LGSN: variants seen among roughly 807,000 people sequenced by gnomAD.
LGSN encodes lengsin.
In LGSN, 21 loss-of-function variants were observed where a neutral mutation model predicts 19.5. The observed-to-expected ratio is 1.07, with a 90% CI of 0.76 to 1.55. LGSN has a LOEUF of 1.55. LGSN is among the 40% of genes most tolerant of loss of function. LGSN has a pLI of 0.00. For missense variants in LGSN, 673 were observed against 608.5 expected (o/e 1.11, Z -1.12); for synonymous variants, 257 against 215.6 (o/e 1.19, Z -1.68).
the LGSN span, among the ~76,000 whole-genome samples, chr6:63,497,479 C>G: frequency 3.9e-5 from 6 of 151,990 alleles, no homozygotes; most frequent in African/African-American, 1.5e-4. Flanking sequence ...CTTGAACCCG[C>G]GAGGTGGAGG....
intron 2 of LGSN, among the ~76,000 whole-genome samples, chr6:63,291,082 G>A (rs144603738): frequency 0.02 from 3,048 of 152,204 alleles, 53 homozygotes; most frequent in South Asian, 0.043. Flanking sequence ...TGACCTCCTC[G>A]CGGAGCATGC....
chr6:63,294,945 T>C lies in LGSN; in HGVS notation c.131A>G (p.Glu44Gly), dbSNP rs1053985555. The C allele has an allele frequency of 3.1e-6, 5 of 1,613,774 alleles. No individual in the cohort carries two copies. Among genetic ancestry groups the C allele is most frequent in the South Asian group, 1.1e-5 (1 of 91,084 alleles). Residue 44 changes from glutamate to glycine, a missense_variant, in exon 2 of 4, where the codon GAA becomes GGA. Transcript: ENST00000370657. ...KVTKPYVCSTEVGETDMSNSN... is the reference protein window; with the variant it reads ...KVTKPYVCSTGVGETDMSNSN... ...ATTGGACATATCCGTTTCTCCCACTTCAGTTGAACAAACATATGGTTTAGT... is the reference window on the plus strand; with the variant it reads ...ATTGGACATATCCGTTTCTCCCACTCCAGTTGAACAAACATATGGTTTAGT...
the LGSN span, among the ~76,000 whole-genome samples, chr6:63,449,040 A>G: frequency 6.6e-6 from 1 of 152,226 alleles, no homozygotes; most frequent in African/African-American, 2.4e-5. Flanking sequence ...TAACTGGGTT[A>G]CATGCAAATA....
At chr6:63,448,396 C>T in the LGSN span, among the ~76,000 whole-genome samples, 5 of 152,072 alleles carry the variant, frequency 3.3e-5, no homozygotes, top group East Asian at 1.9e-4. Flanking sequence ...ATTTACTAAA[C>T]GTCATATGAA....
the LGSN span, among the ~76,000 whole-genome samples, chr6:63,333,416 A>G: frequency 1.3e-5 from 2 of 151,508 alleles, no homozygotes; most frequent in Non-Finnish European, 2.9e-5. Flanking sequence ...CACCAAAACC[A>G]GGCAAAAAAA....
the LGSN span, among the ~76,000 whole-genome samples, chr6:63,461,848 A>G: frequency 6.6e-6 from 1 of 152,250 alleles, no homozygotes; most frequent in African/African-American, 2.4e-5. Flanking sequence ...TCTAAAAGAC[A>G]TGCCCAGACC....
chr6:63,437,905 T>C, the LGSN span, among the ~76,000 whole-genome samples: 90,636 of 151,930 alleles, frequency 0.6, 27,377 homozygotes, highest in African/African-American at 0.65. Flanking sequence ...ATTCCAGCCT[T>C]GGTGACAGAG....
the LGSN span, among the ~76,000 whole-genome samples, chr6:63,432,007 G>C: frequency 2.7e-5 from 4 of 150,912 alleles, no homozygotes; most frequent in Admixed American, 6.6e-5. Context: ...ACCCAGGAGG[G>C]GGAGGTTGCA....
intron 1 of LGSN, among the ~76,000 whole-genome samples, chr6:63,319,689 A>G (rs1294799912): frequency 2.0e-5 from 3 of 152,192 alleles, no homozygotes; most frequent in African/African-American, 7.2e-5. Context: ...TTCAAACCAA[A>G]TGAGCTTTCC....
the LGSN span, among the ~76,000 whole-genome samples, chr6:63,368,784 T>C: frequency 4.4e-4 from 67 of 152,346 alleles, no homozygotes; most frequent in South Asian, 6.0e-3. Flanking sequence ...TTATGTCCTC[T>C]GGAGTAAGAA....
At chr6:63,382,674 A>G in the LGSN span, among the ~76,000 whole-genome samples, 2 of 152,204 alleles carry the variant, frequency 1.3e-5, no homozygotes, top group South Asian at 2.1e-4. Flanking sequence ...AGTTGCCTGT[A>G]GACATATATA....
chr6:63,306,661 T>G (rs1418640481), intron 1 of LGSN, among the ~76,000 whole-genome samples: 1 of 152,170 alleles, frequency 6.6e-6, no homozygotes, highest in Non-Finnish European at 1.5e-5. Flanking sequence ...GAAAGAGATA[T>G]GCTCAGGTTA....
At chr6:63,366,792 T>A in the LGSN span, among the ~76,000 whole-genome samples, 1 of 152,074 alleles carries the variant, frequency 6.6e-6, no homozygotes, top group East Asian at 1.9e-4. Flanking sequence ...ACCACACATC[T>A]AAAACCATCT....
the LGSN span, among the ~76,000 whole-genome samples, chr6:63,540,334 T>G: frequency 6.6e-6 from 1 of 152,126 alleles, no homozygotes; most frequent in South Asian, 2.1e-4. Context: ...TAGATAGATC[T>G]GAAAATCCAG....
the LGSN span, among the ~76,000 whole-genome samples, chr6:63,418,943 C>T: frequency 6.6e-6 from 1 of 151,692 alleles, no homozygotes; most frequent in African/African-American, 2.4e-5. Context: ...ACTTTGACTC[C>T]CAGCCTAGCA....
chr6:63,441,061 T>G, the LGSN span: 1 of 168,122 alleles, frequency 5.9e-6, no homozygotes, highest in Admixed American at 6.4e-5. Flanking sequence ...CAAAAAAAAT[T>G]TGCCAGGCGT....
the LGSN span, among the ~76,000 whole-genome samples, chr6:63,326,715 C>T: frequency 1.3e-5 from 2 of 152,210 alleles, no homozygotes; most frequent in East Asian, 3.8e-4. Flanking sequence ...CCCTCATTGC[C>T]CAGGGCCAGC....
the LGSN span, among the ~76,000 whole-genome samples, chr6:63,373,489 A>G: frequency 1.3e-5 from 2 of 152,198 alleles, no homozygotes; most frequent in South Asian, 2.1e-4. Flanking sequence ...GAATCTAATC[A>G]TGAAGAAACA....
At chr6:63,549,760 T>C in the LGSN span, among the ~76,000 whole-genome samples, 4 of 151,528 alleles carry the variant, frequency 2.6e-5, no homozygotes, top group Non-Finnish European at 5.9e-5. Context: ...AAAAAAAAAG[T>C]TGATCTTATA....
Sources: gnomAD v4.1 joint callset for allele counts (sites outside exome capture counted in the v4.1 genomes callset) on GRCh38, gnomAD v4.1.1 for gene constraint, MANE v1.5 for transcripts, NCBI Gene and HGNC (gene_info 2026-07-23, HGNC 2026-07-21) for gene names.